Variants in MKLN1 observed in about 807,000 individuals in gnomAD.
MKLN1 encodes muskelin 1.
MKLN1 carries 18 observed loss-of-function variants against 99.0 expected under a neutral mutation model. The ratio of observed to expected loss-of-function variants is 0.18; its 90% CI spans 0.13 to 0.27. The LOEUF (loss-of-function observed/expected upper bound fraction) is 0.27. MKLN1 is among the 10% of genes least tolerant of loss of function. The pLI, the probability that MKLN1 is intolerant of heterozygous loss-of-function variation, is 1.00. For synonymous variants in MKLN1, 288 were observed against 293.2 expected (o/e 0.98, Z 0.18); for missense variants, 621 against 875.9 (o/e 0.71, Z 3.67).
At chr7:131,374,958 G>A (rs1208866967) in intron 1 of MKLN1, among the ~76,000 whole-genome samples, 3 of 139,322 alleles carry the variant, frequency 2.2e-5, no homozygotes, top group Non-Finnish European at 4.6e-5. Flanking sequence ...TTTTTTTAAA[G>A]ACAGAGTCTT....
intron 1 of MKLN1, among the ~76,000 whole-genome samples, chr7:131,335,778 T>A (rs1273553367): frequency 1.3e-5 from 2 of 151,886 alleles, no homozygotes. Flanking sequence ...ACTAATTTCT[T>A]AATTTCACTA....
chr7:131,234,358 TTC>T lies in MKLN1; in HGVS notation c.-179+31387_-179+31388del, dbSNP rs1278666770. On this transcript the variant is annotated intron_variant, in intron 3 of 7. Coordinates refer to the MKLN1 transcript ENST00000416992. ...AACTAAATTCATTAGTTGTAACTTT[TTC>T]TCAAGCATTCACATTTCTGTTTAAC... 2.6e-5 allele frequency among the ~76,000 whole-genome samples: 4 copies of T among 152,314 alleles called. No individual in the cohort carries two copies. The East Asian group carries it at 7.7e-4, about 29-fold the overall frequency.
intron 17 of MKLN1, among the ~76,000 whole-genome samples, chr7:131,483,300 A>G (rs948290072): frequency 1.3e-5 from 2 of 152,142 alleles, no homozygotes; most frequent in African/African-American, 4.8e-5. Flanking sequence ...TCCTTAAACA[A>G]CTTTCCTCAA....
At position 131,337,766 on chromosome 7, in the gene MKLN1, A is replaced by G. The variant is rs1799291723; in HGVS notation, c.98+9769A>G. Among the ~76,000 whole-genome samples the G allele has an allele frequency of 3.3e-5, 5 of 150,610 alleles. No homozygotes were observed. The Admixed American group carries it at 3.3e-4, about 10-fold the overall frequency. ...TTGTATATTAATGTATGTTAATTAT[A>G]TATTCTATTGTATATTATATAAATT... On this transcript the variant is annotated intron_variant, in intron 1 of 17. Transcript: ENST00000352689.
intron 1 of MKLN1, among the ~76,000 whole-genome samples, chr7:131,345,037 C>T (rs1799515335): frequency 6.6e-6 from 1 of 152,134 alleles, no homozygotes; most frequent in Non-Finnish European, 1.5e-5. Context: ...AACTCCTGAC[C>T]TCAGGCGATC....
chr7:131,468,252 A>G (rs1175790620), intron 15 of MKLN1, among the ~76,000 whole-genome samples: 1 of 152,240 alleles, frequency 6.6e-6, no homozygotes, highest in African/African-American at 2.4e-5. Flanking sequence ...AATTCAGACA[A>G]TAAAAGGCTT....
At chr7:131,473,532 A>AT (rs1411429859) in intron 16 of MKLN1, among the ~76,000 whole-genome samples, 1 of 152,060 alleles carries the variant, frequency 6.6e-6, no homozygotes, top group Non-Finnish European at 1.5e-5. Flanking sequence ...AAAAAATGAT[A>AT]TTTTTTTCTA....
At chr7:131,143,260 A>C (rs889424143) in intron 2 of MKLN1, among the ~76,000 whole-genome samples, 1 of 151,728 alleles carries the variant, frequency 6.6e-6, no homozygotes, top group Non-Finnish European at 1.5e-5. Context: ...CGAGGTCAGG[A>C]GTTCGAGACC....
intron 1 of MKLN1, among the ~76,000 whole-genome samples, chr7:131,362,904 C>T (rs1445289941): frequency 6.6e-6 from 1 of 151,708 alleles, no homozygotes; most frequent in Non-Finnish European, 1.5e-5. Flanking sequence ...TCTGGCCATA[C>T]TATTTTTGAG....
chr7:131,136,875 C>T (rs1795656697), intron 1 of MKLN1, among the ~76,000 whole-genome samples: 1 of 152,176 alleles, frequency 6.6e-6, no homozygotes, highest in East Asian at 1.9e-4. Context: ...AAGACAGAGC[C>T]CCAAACCACA....
In MKLN1 at chr7:131,224,844, T is replaced by C. The variant is rs989949765; in HGVS notation, c.-179+21870T>C. ...ATCCCAGCACTTTGGGGGGCCGAGGTGGGCAGATCATGAGGTCAGGAAATC... is the reference window on the plus strand; with the variant it reads ...ATCCCAGCACTTTGGGGGGCCGAGGCGGGCAGATCATGAGGTCAGGAAATC... On this transcript the variant is annotated intron_variant, in intron 3 of 7. Transcript: ENST00000416992. Among the ~76,000 whole-genome samples the C allele has an allele frequency of 3.3e-5, 5 of 151,586 alleles. No homozygotes were observed. The East Asian group carries it at 7.8e-4, about 24-fold the overall frequency.
chr7:131,439,886 AC>A (rs1795783156), intron 10 of MKLN1, among the ~76,000 whole-genome samples: 2 of 101,820 alleles, frequency 2.0e-5, no homozygotes, highest in Non-Finnish European at 3.9e-5. Context: ...ACACACACAC[AC>A]ACACACACAC....
intron 4 of MKLN1, among the ~76,000 whole-genome samples, chr7:131,395,994 G>A (rs985954966): frequency 6.6e-6 from 1 of 151,182 alleles, no homozygotes; most frequent in Admixed American, 6.6e-5. Flanking sequence ...TTTCTAATTG[G>A]TTATTGTAGG....
At chr7:131,171,221 G>C (rs996481504) in intron 2 of MKLN1, among the ~76,000 whole-genome samples, 5 of 152,146 alleles carry the variant, frequency 3.3e-5, no homozygotes, top group African/African-American at 1.2e-4. Context: ...TATAGGTCTT[G>C]AAGAGGAGAA....
At chr7:131,351,351 C>G (rs1584636376) in intron 1 of MKLN1, among the ~76,000 whole-genome samples, 1 of 152,288 alleles carries the variant, frequency 6.6e-6, no homozygotes, top group East Asian at 1.9e-4. Context: ...CCTGAAGAAG[C>G]TCCCCTATTC....
In MKLN1 at chr7:131,493,129, C is replaced by T. The variant is rs1797468502; in HGVS notation, c.*5401C>T. Reference sequence around the variant, plus strand: ...GAATGTTGTCTGAAAGCTGTAGGATCAATGGCAAAAAAGGGGAAATGTTTG... The same window carrying T: ...GAATGTTGTCTGAAAGCTGTAGGATTAATGGCAAAAAAGGGGAAATGTTTG... On this transcript the variant is annotated 3_prime_UTR_variant, in exon 18 of 18. Transcript: ENST00000352689. 1 of 152,012 alleles carries T rather than the reference C, an allele frequency of 6.6e-6. No homozygotes were observed. The highest frequency in any genetic ancestry group is 2.1e-4 in the South Asian group (1 of 4,824). The allele number at this position is 152,012 out of a possible 1,614,324, so 9.4% of individuals were successfully genotyped here. A position where few individuals can be genotyped will look rare whatever the true frequency, so the allele number is the denominator to read the frequency against.
intron 3 of MKLN1, among the ~76,000 whole-genome samples, chr7:131,287,034 T>A (rs1343393970): frequency 6.6e-6 from 1 of 152,174 alleles, no homozygotes; most frequent in African/African-American, 2.4e-5. Context: ...CCCTAAAGAT[T>A]GAGGCTGCAG....
At chr7:131,441,349 A>C (rs2116495824) in intron 10 of MKLN1, among the ~76,000 whole-genome samples, 1 of 152,342 alleles carries the variant, frequency 6.6e-6, no homozygotes, top group East Asian at 1.9e-4. Context: ...AACCCTTACC[A>C]ATCTTGTATT....
At chr7:131,310,832 A>G (rs1364199265) in intron 3 of MKLN1, 4 of 152,260 alleles carry the variant, frequency 2.6e-5, no homozygotes, top group African/African-American at 7.2e-5. Flanking sequence ...GCCATAAAAT[A>G]AGAGTACTCA....
Sources: gnomAD v4.1 joint callset for allele counts (sites outside exome capture counted in the v4.1 genomes callset) on GRCh38, gnomAD v4.1.1 for gene constraint, MANE v1.5 for transcripts, NCBI Gene and HGNC (gene_info 2026-07-23, HGNC 2026-07-21) for gene names.